WIPF3: variants seen among roughly 807,000 people sequenced by gnomAD.
WIPF3 encodes the protein WAS/WASL-interacting protein family member 3.
Under a neutral mutation model 38.9 loss-of-function variants are expected in WIPF3, and 33 were observed. The ratio of observed to expected loss-of-function variants is 0.85; its 90% confidence interval spans 0.64 to 1.14. WIPF3 has a LOEUF of 1.14. WIPF3 is among the 50% of genes most tolerant of loss of function. WIPF3 has a pLI of 0.00. For synonymous variants in WIPF3, 324 were observed against 269.3 expected, an observed-to-expected ratio of 1.20 and a Z score of -1.99; for missense variants, 711 against 652.5, an observed-to-expected ratio of 1.09 and a Z score of -0.98.
At chr7:29,895,662 GC>G (rs1451887330) in intron 7 of WIPF3, among the ~76,000 whole-genome samples, 2 of 152,234 alleles carry the variant, frequency 1.3e-5, no homozygotes, top group Non-Finnish European at 2.9e-5. Context: ...TTCTTGGGAA[GC>G]CTCAGGGAGC....
chr7:29,882,488 A>T (rs1168492771), intron 4 of WIPF3, among the ~76,000 whole-genome samples: 1 of 152,220 alleles, frequency 6.6e-6, no homozygotes, highest in Non-Finnish European at 1.5e-5. Flanking sequence ...GGTCTAGGTG[A>T]CTGTCACATT....
chr7:29,886,632 C>G (rs1325438648), intron 5 of WIPF3, among the ~76,000 whole-genome samples: 1 of 152,106 alleles, frequency 6.6e-6, no homozygotes, highest in Non-Finnish European at 1.5e-5. Flanking sequence ...GCTGGTATTA[C>G]AAGTGTGAGC....
chr7:29,846,515 A>G (rs544322545), intron 2 of WIPF3, among the ~76,000 whole-genome samples: 1 of 152,354 alleles, frequency 6.6e-6, no homozygotes, highest in African/African-American at 2.4e-5. Flanking sequence ...AGCCTGGCCA[A>G]TATGGTGAAA....
chr7:29,877,616 A>G (rs1351800432), intron 3 of WIPF3, among the ~76,000 whole-genome samples: 1 of 152,228 alleles, frequency 6.6e-6, no homozygotes, highest in African/African-American at 2.4e-5. Context: ...AGTGTCAGGA[A>G]TGATGGTAAT....
chr7:29,878,184 ACACT>A lies in WIPF3; in HGVS notation c.224-820_224-817del, dbSNP rs1287692849. Among the ~76,000 whole-genome samples, 3 of 152,242 alleles carry A rather than the reference ACACT, an allele frequency of 2.0e-5. No individual in the cohort carries two copies. Among genetic ancestry groups the A allele is most frequent in the Non-Finnish European group, 4.4e-5 (3 of 68,044 alleles). ...TAACAGGTAAATCAATTTCATTGAA[ACACT>A]CACTTCCTAATCATTCTCATGAGTA... On this transcript the variant is annotated intron_variant, in intron 3 of 8. Transcript: ENST00000242140. This position sits in a 1 kb window ranked among gnomAD's most constrained non-coding sequence, Gnocchi z 4.0.
chr7:29,855,046 T>C (rs568580453), intron 2 of WIPF3, among the ~76,000 whole-genome samples: 4 of 152,350 alleles, frequency 2.6e-5, no homozygotes, highest in African/African-American at 9.6e-5. Flanking sequence ...GCACAATGTC[T>C]TTCTTAGCAA....
intron 1 of WIPF3, among the ~76,000 whole-genome samples, chr7:29,831,877 C>T (rs558883133): frequency 2.6e-5 from 4 of 152,296 alleles, no homozygotes; most frequent in South Asian, 2.1e-4. Flanking sequence ...AACTCAGTCT[C>T]GTGGTCACAC....
chr7:29,845,030 C>CTTT (rs780163235), intron 2 of WIPF3, among the ~76,000 whole-genome samples: 1 of 139,072 alleles, frequency 7.2e-6, no homozygotes, highest in Non-Finnish European at 1.6e-5. Flanking sequence ...GTTTTCTTTC[C>CTTT]TTTTTTTTTT....
At chr7:29,826,582 C>T (rs1216557315) in intron 1 of WIPF3, among the ~76,000 whole-genome samples, 1 of 152,122 alleles carries the variant, frequency 6.6e-6, no homozygotes, top group Non-Finnish European at 1.5e-5. Flanking sequence ...TTATTACCTT[C>T]CAAGTGTTTA....
chr7:29,884,678 C>G, intron 5 of WIPF3, 85 bp downstream of exon 5: 2 of 1,465,912 alleles, frequency 1.4e-6, no homozygotes, highest in Non-Finnish European at 1.8e-6. Flanking sequence ...TGGAGGTATT[C>G]GTTTCAGAGA....
intron 5 of WIPF3, among the ~76,000 whole-genome samples, chr7:29,885,315 C>T (rs1318773805): frequency 6.6e-6 from 1 of 152,120 alleles, no homozygotes; most frequent in Non-Finnish European, 1.5e-5. Context: ...TGGAAAGTAC[C>T]TCCACACGTC....
chr7:29,872,658 T>C (rs554933124), intron 2 of WIPF3, among the ~76,000 whole-genome samples: 17 of 151,212 alleles, frequency 1.1e-4, no homozygotes, highest in Non-Finnish European at 2.4e-4. Context: ...TAGCCGGGCG[T>C]GGTGGCGGGC....
Position 29,914,494 on chromosome 7 carries a change from T to TATC in WIPF3, c.1431_1433dup (p.Ser478dup). On this transcript the variant is annotated inframe_insertion and splice_region_variant, in exon 9 of 9. Coordinates refer to ENST00000242140, the MANE Select transcript of WIPF3 (RefSeq NM_001080529.3). ...TAATGTTCTGTTATGTTTCCACAGTTATCTCTAAAGACTCTTCGGTGAGAA... is the reference window on the plus strand; with the variant it reads ...TAATGTTCTGTTATGTTTCCACAGTTATCATCTCTAAAGACTCTTCGGTGAGAA... 3 of 1,519,530 alleles carry TATC rather than the reference T, an allele frequency of 2.0e-6. No individual in the cohort carries two copies. The highest frequency in any genetic ancestry group is 2.7e-6 in the Non-Finnish European group (3 of 1,131,816). The allele number at this position is 1,519,530 out of a possible 1,614,324, so 94.1% of individuals were successfully genotyped here.
chr7:29,823,670 A>G lies in WIPF3; in HGVS notation c.-57-10998A>G, dbSNP rs140127472. ...ATCTCATGTCGAACTGTAATCCCCAATGTTGGAGGTGGGGCCTGGTGGCAG... is the reference window on the plus strand; with the variant it reads ...ATCTCATGTCGAACTGTAATCCCCAGTGTTGGAGGTGGGGCCTGGTGGCAG... On this transcript the variant is annotated intron_variant, in intron 1 of 8. Coordinates refer to ENST00000242140, the MANE Select transcript of WIPF3 (RefSeq NM_001080529.3). The surrounding 1 kb of genome is among the most constrained non-coding windows in gnomAD (Gnocchi z 4.0). Among the ~76,000 whole-genome samples, 2 of 152,116 alleles carry G rather than the reference A, an allele frequency of 1.3e-5. No individual in the cohort carries two copies. Among genetic ancestry groups the G allele is most frequent in the Non-Finnish European group, 2.9e-5 (2 of 68,034 alleles).
intron 4 of WIPF3, 46 bp from the exon 5 acceptor site, chr7:29,883,804 C>A: frequency 6.6e-7 from 1 of 1,509,652 alleles, no homozygotes; most frequent in Non-Finnish European, 8.9e-7. Flanking sequence ...CGGGGGCTTT[C>A]TCCTTCTTTA....
intron 2 of WIPF3, among the ~76,000 whole-genome samples, chr7:29,842,288 A>G (rs2128066931): frequency 6.6e-6 from 1 of 152,368 alleles, no homozygotes; most frequent in South Asian, 2.1e-4. Flanking sequence ...AGGGCAGGCC[A>G]TGTCTTATTA....
chr7:29,889,526 T>A, intron 7 of WIPF3, 119 bp downstream of exon 7: 1 of 745,456 alleles, frequency 1.3e-6, no homozygotes, highest in Non-Finnish European at 2.3e-6. Flanking sequence ...ACTGTACCAC[T>A]GCAAGGATGT....
At chr7:29,891,827 G>T (rs1358453078) in intron 7 of WIPF3, among the ~76,000 whole-genome samples, 1 of 152,158 alleles carries the variant, frequency 6.6e-6, no homozygotes, top group Admixed American at 6.5e-5. Context: ...GGTGAATGCT[G>T]GGGGCCTGAA....
chr7:29,841,317 C>T (rs1300319995), intron 2 of WIPF3, among the ~76,000 whole-genome samples: 1 of 152,168 alleles, frequency 6.6e-6, no homozygotes, highest in African/African-American at 2.4e-5. Flanking sequence ...TCCCCTCACC[C>T]CTTCTTGCTC....
Sources: allele counts gnomAD v4.1 joint callset (sites outside exome capture counted in the v4.1 genomes callset), GRCh38; gene constraint gnomAD v4.1.1; non-coding constraint Gnocchi (gnomAD v3.1); transcripts MANE v1.5; gene names NCBI Gene and HGNC (gene_info 2026-07-23, HGNC 2026-07-21).